SEMA6D: variants seen among roughly 807,000 people sequenced by gnomAD.
SEMA6D encodes semaphorin-6D.
Under a neutral mutation model 106.6 loss-of-function variants are expected in SEMA6D, and 35 were observed. The observed-to-expected ratio is 0.33, with a 90% CI of 0.25 to 0.44. SEMA6D has a LOEUF of 0.44. SEMA6D is among the 20% of genes least tolerant of loss of function. The pLI is 1.00. For synonymous variants in SEMA6D, 499 were observed against 487.7 expected (o/e 1.02, Z -0.31); for missense variants, 1,185 against 1,345.9 (o/e 0.88, Z 1.87).
At chr15:47,621,438 G>C (rs1350963905) in intron 4 of SEMA6D, among the ~76,000 whole-genome samples, 1 of 151,992 alleles carries the variant, frequency 6.6e-6, no homozygotes, top group Non-Finnish European at 1.5e-5. Context: ...TGAATCAACA[G>C]TGATGACTCA....
At chr15:47,641,876 C>G (rs996005895) in intron 4 of SEMA6D, among the ~76,000 whole-genome samples, 2 of 152,180 alleles carry the variant, frequency 1.3e-5, no homozygotes, top group Non-Finnish European at 2.9e-5. Flanking sequence ...AATCCCCAGT[C>G]TGGCATTGGG....
At chr15:47,446,653 A>G (rs1333482681) in intron 2 of SEMA6D, among the ~76,000 whole-genome samples, 10 of 152,084 alleles carry the variant, frequency 6.6e-5, no homozygotes, top group Non-Finnish European at 1.3e-4. Context: ...TTTCTTTTCA[A>G]TGTTATTTTA....
rs1449213491 is a variant in SEMA6D, at chr15:47,378,681, G to A, written c.-238-33712G>A. On this transcript the variant is annotated intron_variant, in intron 1 of 19. Transcript: ENST00000558014. ...ACCCTAAGGTGCTATGGTTTGGAAA[G>A]ATAAAATTCTGCTAAATGAATCCAG... is the stretch of plus-strand genomic sequence containing the variant. Among the ~76,000 whole-genome samples, 5 of 152,292 alleles carry A rather than the reference G, an allele frequency of 3.3e-5. No homozygotes were observed. The East Asian group carries it at 9.6e-4, about 29-fold the overall frequency.
intron 1 of SEMA6D, among the ~76,000 whole-genome samples, chr15:47,244,470 G>A (rs2033093086): frequency 1.3e-5 from 2 of 152,110 alleles, no homozygotes; most frequent in South Asian, 2.1e-4. Flanking sequence ...GCAACTTACA[G>A]ATATGATCTC....
chr15:47,304,123 G>A (rs1376390887), intron 1 of SEMA6D, among the ~76,000 whole-genome samples: 1 of 152,052 alleles, frequency 6.6e-6, no homozygotes, highest in Non-Finnish European at 1.5e-5. Flanking sequence ...GGGTTGTCAT[G>A]TTATCTTAGT....
intron 3 of SEMA6D, among the ~76,000 whole-genome samples, chr15:47,592,989 G>C (rs2076466901): frequency 2.0e-5 from 3 of 152,120 alleles, no homozygotes; most frequent in African/African-American, 7.2e-5. Flanking sequence ...ATCATACAAA[G>C]ATAGATTTGC....
intron 3 of SEMA6D, among the ~76,000 whole-genome samples, chr15:47,477,613 G>A (rs1332751035): frequency 1.3e-5 from 2 of 152,118 alleles, no homozygotes; most frequent in Admixed American, 1.3e-4. Context: ...CAAGAGAATT[G>A]TGATGCAACT....
At chr15:47,349,695 A>G (rs1214772437) in intron 1 of SEMA6D, among the ~76,000 whole-genome samples, 2 of 151,694 alleles carry the variant, frequency 1.3e-5, no homozygotes, top group South Asian at 2.1e-4. Context: ...GATCATTATA[A>G]AAAAATATGG....
At chr15:47,284,747 A>G (rs986877257) in intron 1 of SEMA6D, among the ~76,000 whole-genome samples, 43 of 152,192 alleles carry the variant, frequency 2.8e-4, no homozygotes, top group African/African-American at 1.0e-3. Context: ...CAGAAATGGG[A>G]CAAGGTTTCT....
At chr15:47,581,576 A>G (rs8039513) in intron 3 of SEMA6D, among the ~76,000 whole-genome samples, 44,687 of 151,738 alleles carry the variant, frequency 0.29, 8,335 homozygotes, top group African/African-American at 0.53. Context: ...GCATTCTAGG[A>G]GGAGTAGTGG....
intron 4 of SEMA6D, among the ~76,000 whole-genome samples, chr15:47,668,702 C>T (rs2078077962): frequency 6.6e-6 from 1 of 152,186 alleles, no homozygotes; most frequent in Non-Finnish European, 1.5e-5. Flanking sequence ...TGTCTGGACC[C>T]TCTCTGCCTC....
rs1419060292 is a variant in SEMA6D, at chr15:47,233,179, G to A, written c.-239+48761G>A. 1.3e-5 allele frequency among the ~76,000 whole-genome samples: 2 copies of A among 151,946 alleles called. 1 individual carries two copies. Among genetic ancestry groups the A allele is most frequent in the African/African-American group, 4.8e-5 (2 of 41,426 alleles). ...TGCATGTGAATATCCAGTTGTTCCA[G>A]CACCATTTGTTGAAAAGACTATTCT... On this transcript the variant is annotated intron_variant, in intron 1 of 19. Transcript: ENST00000558014.
At chr15:47,591,044 C>T (rs1198524905) in intron 3 of SEMA6D, among the ~76,000 whole-genome samples, 1 of 152,140 alleles carries the variant, frequency 6.6e-6, no homozygotes, top group East Asian at 1.9e-4. Context: ...AATCCATAAG[C>T]AATAGAAATT....
intron 2 of SEMA6D, among the ~76,000 whole-genome samples, chr15:47,456,580 G>T (rs187298675): frequency 6.6e-6 from 1 of 152,046 alleles, no homozygotes. Context: ...TCTACTTTTA[G>T]CAGTGAAGGA....
chr15:47,438,082 A>G (rs1363381026), intron 2 of SEMA6D, among the ~76,000 whole-genome samples: 1 of 152,114 alleles, frequency 6.6e-6, no homozygotes, highest in African/African-American at 2.4e-5. Flanking sequence ...ATTTCCCACA[A>G]AGGTTATTCA....
chr15:47,649,207 C>T (rs1383404657), intron 4 of SEMA6D, among the ~76,000 whole-genome samples: 3 of 152,030 alleles, frequency 2.0e-5, no homozygotes, highest in African/African-American at 4.8e-5. Flanking sequence ...CAGGGCTTTA[C>T]GTGTCACTTA....
chr15:47,662,724 T>C (rs1400954737), intron 4 of SEMA6D, among the ~76,000 whole-genome samples: 1 of 152,140 alleles, frequency 6.6e-6, no homozygotes, highest in Non-Finnish European at 1.5e-5. Flanking sequence ...ATACCACTCT[T>C]TGCAAACTTT....
chr15:47,367,737 GAA>G (rs1195865168), intron 1 of SEMA6D, among the ~76,000 whole-genome samples: 12 of 151,508 alleles, frequency 7.9e-5, no homozygotes, highest in South Asian at 2.1e-4. Context: ...CAGAGAGAGA[GAA>G]AGAGAGAGAG....
intron 6 of SEMA6D, 34 bp from the exon 7 acceptor site, chr15:47,761,627 G>A: frequency 6.6e-7 from 1 of 1,515,620 alleles, no homozygotes; most frequent in Non-Finnish European, 9.1e-7. Context: ...ACGTTGAATA[G>A]ATATGACACT....
Sources: gnomAD v4.1 joint callset for allele counts (sites outside exome capture counted in the v4.1 genomes callset) on GRCh38, gnomAD v4.1.1 for gene constraint, MANE v1.5 for transcripts, NCBI Gene and HGNC (gene_info 2026-07-23, HGNC 2026-07-21) for gene names.